Variants in HDAC5 observed in about 807,000 individuals in gnomAD.
HDAC5 encodes antigen NY-CO-9.
In HDAC5, 25 loss-of-function variants were observed where a neutral mutation model predicts 133.3. The observed-to-expected ratio is 0.19, with a 90% CI of 0.14 to 0.26. The LOEUF is 0.26. HDAC5 is among the 10% of genes least tolerant of loss of function. HDAC5 has a pLI of 1.00. For synonymous variants in HDAC5, 589 were observed against 610.8 expected (o/e 0.96, Z 0.53); for missense variants, 1,041 against 1,460.5 (o/e 0.71, Z 4.68).
At position 44,092,181 on chromosome 17, in the gene HDAC5, G is replaced by A. The variant is rs2050984421; in HGVS notation, c.1023C>T (p.Ile341=). 6.2e-7 allele frequency: 1 copy of A among 1,613,730 alleles called. No homozygotes were observed. The highest frequency in any genetic ancestry group is 8.5e-7 in the Non-Finnish European group (1 of 1,179,704). Residue 341 remains isoleucine (I), a synonymous_variant, in exon 9 of 27, where the codon ATC becomes ATT. Transcript: ENST00000682912. Reference sequence around the variant, plus strand: ...CCAGCCAGGCCTGTACCTCAGTGGGGATGTTGGGGACTGAGCCAGTAAAGC... The same window carrying A: ...CCAGCCAGGCCTGTACCTCAGTGGGAATGTTGGGGACTGAGCCAGTAAAGC... ...ENGFTGSVPN[I]PTEMLPQHRA... is the part of the protein sequence containing the mutation.
intron 3 of HDAC5, among the ~76,000 whole-genome samples, chr17:44,103,139 T>C (rs1434844508): frequency 6.6e-6 from 1 of 152,118 alleles, no homozygotes; most frequent in Non-Finnish European, 1.5e-5. Flanking sequence ...GTTCCTGTCC[T>C]GGCCTGAGGG....
At chr17:44,095,302 C>T (rs528593572) in intron 3 of HDAC5, among the ~76,000 whole-genome samples, 4 of 152,264 alleles carry the variant, frequency 2.6e-5, no homozygotes, top group African/African-American at 9.6e-5. Flanking sequence ...AGCTTTTAAC[C>T]ACTGTGCCCG....
intron 3 of HDAC5, among the ~76,000 whole-genome samples, chr17:44,101,641 T>G (rs1273604300): frequency 6.6e-6 from 1 of 152,158 alleles, no homozygotes; most frequent in African/African-American, 2.4e-5. Flanking sequence ...TCTGTTTCAA[T>G]ACCCTCAAGA....
chr17:44,123,341 C>T, intron 1 of HDAC5, 163 bp downstream of exon 1: 3 of 331,990 alleles, frequency 9.0e-6, no homozygotes, highest in Non-Finnish European at 1.6e-5. Flanking sequence ...CCGATGCTCC[C>T]GGGGGGCGCC....
intron 14 of HDAC5, 96 bp from the exon 15 acceptor site, chr17:44,085,251 C>T (rs553462707): frequency 1.5e-6 from 2 of 1,321,220 alleles, no homozygotes; most frequent in South Asian, 1.9e-5. Flanking sequence ...GAGCTGTCTC[C>T]AACCCCCAGG....
chr17:44,116,275 G>A (rs1445661228), intron 2 of HDAC5, among the ~76,000 whole-genome samples: 1 of 152,212 alleles, frequency 6.6e-6, no homozygotes, highest in Admixed American at 6.5e-5. Flanking sequence ...ATGCACGAGG[G>A]ACAGATGAGG....
chr17:44,100,578 C>CAAAAAAAAAAAAAAA (rs869274112), intron 3 of HDAC5, among the ~76,000 whole-genome samples: 1 of 89,374 alleles, frequency 1.1e-5, no homozygotes, highest in African/African-American at 4.8e-5. Flanking sequence ...ACTAAAGATA[C>CAAAAAAAAAAAAAAA]AAAAAAAAAA....
At position 44,078,383 on chromosome 17, in the gene HDAC5, G is replaced by A. The variant is rs774870112; in HGVS notation, c.3362C>T (p.Ala1121Val). 36 of 1,523,070 alleles carry A rather than the reference G, an allele frequency of 2.4e-5. No individual in the cohort carries two copies. The highest frequency in any genetic ancestry group is 3.0e-5 in the Non-Finnish European group (34 of 1,136,978). 94.3% of individuals were successfully genotyped at this position (1,523,070 alleles called of 1,614,324 possible). ...PAEEPMEQEPAL is the reference protein window; with the variant it reads ...PAEEPMEQEPVL ...GGGATGGGGGCCGGGGCGTCACAGG[G>A]CAGGCTCCTGCTCCATGGGCTCCTC... Residue 1121 changes from alanine to valine, a missense_variant, in exon 27 of 27, where the codon GCC (alanine) becomes GTC (valine). This residue lies in a region of HDAC5 where 95 missense variants were observed against 107.3 expected (regional missense o/e 0.88). Coordinates refer to ENST00000682912, the MANE Select transcript of HDAC5 (RefSeq NM_005474.5).
At chr17:44,080,338 C>T in intron 22 of HDAC5, 63 bp downstream of exon 22, 2 of 1,565,500 alleles carry the variant, frequency 1.3e-6, no homozygotes, top group East Asian at 4.5e-5. Context: ...GTGCCTTCTG[C>T]CCCTCCCACT....
intron 20 of HDAC5, 164 bp downstream of exon 20, chr17:44,082,421 C>T: frequency 1.6e-6 from 1 of 607,922 alleles, no homozygotes; most frequent in Non-Finnish European, 2.9e-6. Context: ...CGTTAGTCAT[C>T]CGGCAGGAGC....
At chr17:44,111,237 G>A (rs910984868) in intron 2 of HDAC5, 8 of 286,150 alleles carry the variant, frequency 2.8e-5, no homozygotes, top group South Asian at 2.4e-4. Context: ...CGAATGAGCC[G>A]CCGCCGGCAG....
chr17:44,122,365 C>A (rs572670617), intron 1 of HDAC5, among the ~76,000 whole-genome samples: 2 of 152,082 alleles, frequency 1.3e-5, no homozygotes, highest in Non-Finnish European at 2.9e-5. Flanking sequence ...CACCCTCCCC[C>A]CCACCTCCTT....
At chr17:44,089,458 A>C (rs1425892426) in intron 11 of HDAC5, among the ~76,000 whole-genome samples, 1 of 152,026 alleles carries the variant, frequency 6.6e-6, no homozygotes, top group African/African-American at 2.4e-5. Flanking sequence ...AAAATACAAA[A>C]ATTAGGCCAG....
At chr17:44,112,188 AAGTAGGAAG>A (rs1235823174) in intron 2 of HDAC5, among the ~76,000 whole-genome samples, 1 of 152,106 alleles carries the variant, frequency 6.6e-6, no homozygotes, top group Non-Finnish European at 1.5e-5. Flanking sequence ...CCCTGTGCTC[AAGTAGGAAG>A]AGACTTGAGG....
chr17:44,091,069 G>A (rs938478861), intron 11 of HDAC5, among the ~76,000 whole-genome samples: 2 of 152,234 alleles, frequency 1.3e-5, no homozygotes, highest in African/African-American at 4.8e-5. Flanking sequence ...ACACTGCTCT[G>A]GGATGTGAAC....
At chr17:44,116,904 G>T (rs970244607) in intron 2 of HDAC5, among the ~76,000 whole-genome samples, 1 of 152,124 alleles carries the variant, frequency 6.6e-6, no homozygotes, top group Non-Finnish European at 1.5e-5. Flanking sequence ...TCTACCATAT[G>T]AAGGGCCCAA....
At chr17:44,089,666 G>C (rs1433825336) in intron 11 of HDAC5, among the ~76,000 whole-genome samples, 1 of 137,862 alleles carries the variant, frequency 7.3e-6, no homozygotes, top group Non-Finnish European at 1.5e-5. Flanking sequence ...AGAATCACTT[G>C]AACTCGAGAG....
chr17:44,111,474 C>A, intron 2 of HDAC5: 1 of 431,132 alleles, frequency 2.3e-6, no homozygotes, highest in Non-Finnish European at 4.7e-6. Context: ...GGGCGCCGGC[C>A]AGGGTACCCA....
intron 3 of HDAC5, 53 bp downstream of exon 3, chr17:44,110,676 A>G (rs1372383617): frequency 6.9e-7 from 1 of 1,442,648 alleles, no homozygotes; most frequent in Non-Finnish European, 9.7e-7. Context: ...TGCTCAGCCC[A>G]GGGACAAGGA....
Sources: gnomAD v4.1 joint callset for allele counts (sites outside exome capture counted in the v4.1 genomes callset) on GRCh38, gnomAD v4.1.1 for gene constraint, gnomAD v4.1.1 regional missense constraint, MANE v1.5 for transcripts, NCBI Gene and HGNC (gene_info 2026-07-23, HGNC 2026-07-21) for gene names.